The following GRM8 variants were observed in gnomAD, a reference collection of about 807,000 sequenced individuals.
The protein encoded by GRM8 is glutamate metabotropic receptor 8, also known as metabotropic glutamate receptor 8.
Under a neutral mutation model 87.2 loss-of-function variants are expected in GRM8, and 47 were observed. The ratio of observed to expected loss-of-function variants is 0.54; its 90% CI spans 0.43 to 0.69. GRM8 has a LOEUF of 0.69. GRM8 is among the 30% of genes least tolerant of loss of function. GRM8 has a pLI of 0.00. For missense variants in GRM8, 1,019 were observed against 1,139.2 expected (o/e 0.89, Z 1.52); for synonymous variants, 396 against 404.5 (o/e 0.98, Z 0.25).
At chr7:127,137,715 T>C (rs1828022319) in intron 2 of GRM8, among the ~76,000 whole-genome samples, 1 of 152,084 alleles carries the variant, frequency 6.6e-6, no homozygotes. Context: ...TGCTTTGCTA[T>C]TAAAAAAAAA....
intron 8 of GRM8, among the ~76,000 whole-genome samples, chr7:126,571,005 C>A (rs1794645637): frequency 6.6e-6 from 1 of 152,180 alleles, no homozygotes; most frequent in Non-Finnish European, 1.5e-5. Context: ...CTACCCTCTT[C>A]ATAAATGAGG....
At chr7:126,897,161 A>G (rs1019465632) in intron 6 of GRM8, among the ~76,000 whole-genome samples, 81 of 152,302 alleles carry the variant, frequency 5.3e-4, no homozygotes, top group African/African-American at 1.9e-3. Context: ...GGAGACAGGA[A>G]GGAAAAGACC....
intron 3 of GRM8, among the ~76,000 whole-genome samples, chr7:126,910,076 T>C (rs1803135386): frequency 6.6e-6 from 1 of 152,078 alleles, no homozygotes; most frequent in South Asian, 2.1e-4. Context: ...AGTCCTTCTG[T>C]TATCCTAAAT....
At chr7:126,775,483 T>G (rs1304231517) in intron 6 of GRM8, among the ~76,000 whole-genome samples, 3 of 58,064 alleles carry the variant, frequency 5.2e-5, no homozygotes, top group African/African-American at 1.3e-4. Flanking sequence ...AAATAGGTTT[T>G]TTTTTTTTTT....
At chr7:127,146,094 G>A (rs1295090212) in intron 2 of GRM8, among the ~76,000 whole-genome samples, 2 of 151,982 alleles carry the variant, frequency 1.3e-5, no homozygotes, top group African/African-American at 2.4e-5. Flanking sequence ...GAGACAGCAT[G>A]TCCAGGAGAC....
chr7:126,561,087 T>A (rs1043711502), intron 8 of GRM8, among the ~76,000 whole-genome samples: 2 of 152,162 alleles, frequency 1.3e-5, no homozygotes, highest in Admixed American at 6.5e-5. Flanking sequence ...AAATATATAT[T>A]CCTGCTCAAA....
intron 8 of GRM8, among the ~76,000 whole-genome samples, chr7:126,597,607 A>G (rs1440303026): frequency 6.6e-6 from 1 of 152,074 alleles, no homozygotes; most frequent in East Asian, 1.9e-4. Context: ...GGATTAAAAT[A>G]TCATTTATTT....
chr7:127,230,218 C>T (rs1405473692), intron 2 of GRM8, among the ~76,000 whole-genome samples: 1 of 149,082 alleles, frequency 6.7e-6, no homozygotes, highest in Non-Finnish European at 1.5e-5. Context: ...TGGGTTTTTA[C>T]TGGGACCCCC....
chr7:126,917,864 C>T (rs184843637), intron 3 of GRM8, among the ~76,000 whole-genome samples: 1 of 152,184 alleles, frequency 6.6e-6, no homozygotes, highest in South Asian at 2.1e-4. Context: ...ACAGAAATTT[C>T]ATTGACCGAC....
intron 3 of GRM8, among the ~76,000 whole-genome samples, chr7:126,920,908 T>A (rs550335427): frequency 7.6e-6 from 1 of 132,168 alleles, no homozygotes; most frequent in Admixed American, 8.7e-5. Flanking sequence ...GGTAATGACA[T>A]ACTGATACTT....
At chr7:127,227,537 T>C (rs937052250) in intron 2 of GRM8, among the ~76,000 whole-genome samples, 1 of 152,220 alleles carries the variant, frequency 6.6e-6, no homozygotes, top group Admixed American at 6.5e-5. Flanking sequence ...GGTCCTATTT[T>C]AGTTTGGGAA....
chr7:126,766,823 T>C (rs545963504), intron 7 of GRM8, among the ~76,000 whole-genome samples: 2 of 152,254 alleles, frequency 1.3e-5, no homozygotes, highest in East Asian at 3.9e-4. Flanking sequence ...GTGAGAACAC[T>C]GGCTATCACC....
chr7:127,194,500 T>C (rs1795183112), intron 2 of GRM8, among the ~76,000 whole-genome samples: 1 of 152,130 alleles, frequency 6.6e-6, no homozygotes, highest in Non-Finnish European at 1.5e-5. Context: ...AAAGATTAAT[T>C]TGCTCCTTCT....
chr7:127,193,957 T>C (rs1795153948), intron 2 of GRM8, among the ~76,000 whole-genome samples: 2 of 152,172 alleles, frequency 1.3e-5, no homozygotes, highest in Non-Finnish European at 2.9e-5. Flanking sequence ...ACTTGAAGCA[T>C]GAGCAAGACA....
chr7:126,546,803 C>A (rs1817210989), intron 8 of GRM8, among the ~76,000 whole-genome samples: 2 of 152,122 alleles, frequency 1.3e-5, no homozygotes, highest in African/African-American at 4.8e-5. Flanking sequence ...TCATTACATT[C>A]CATATGAGGC....
At chr7:126,594,819 T>C (rs1432005933) in intron 8 of GRM8, among the ~76,000 whole-genome samples, 3 of 152,184 alleles carry the variant, frequency 2.0e-5, no homozygotes, top group African/African-American at 7.2e-5. Flanking sequence ...AAACATCATG[T>C]TGTACATAAT....
chr7:127,233,573 A>G (rs1251325018), intron 2 of GRM8, among the ~76,000 whole-genome samples: 1 of 152,236 alleles, frequency 6.6e-6, no homozygotes, highest in Non-Finnish European at 1.5e-5. Flanking sequence ...CAAGAGTAAG[A>G]CACTAGAGCA....
intron 6 of GRM8, among the ~76,000 whole-genome samples, chr7:126,860,723 T>A (rs1798071639): frequency 6.6e-6 from 1 of 152,188 alleles, no homozygotes. Flanking sequence ...GTTCAAATAT[T>A]CTACTACATT....
chr7:126,507,913 C>T (rs1810731289), intron 9 of GRM8, among the ~76,000 whole-genome samples: 1 of 151,978 alleles, frequency 6.6e-6, no homozygotes, highest in South Asian at 2.1e-4. Flanking sequence ...TTAGTCCAAT[C>T]ATCTCTGGGG....
Sources: gnomAD v4.1 joint callset for allele counts (sites outside exome capture counted in the v4.1 genomes callset) on GRCh38, gnomAD v4.1.1 for gene constraint, MANE v1.5 for transcripts, NCBI Gene and HGNC (gene_info 2026-07-23, HGNC 2026-07-21) for gene names.